The following PPFIA1 variants were observed in gnomAD, a reference collection of about 807,000 sequenced individuals.
PPFIA1 encodes the protein PPFI scaffold protein A1, also known as liprin-alpha-1.
In PPFIA1, 25 loss-of-function variants were observed where a neutral mutation model predicts 149.9. The observed-to-expected ratio is 0.17, with a 90% CI of 0.12 to 0.23. The LOEUF (loss-of-function observed/expected upper bound fraction) is 0.23. Among genes scored for constraint, PPFIA1 ranks in the 10% least tolerant of loss-of-function variants. The probability of loss-of-function intolerance (pLI) is 1.00; values close to 1 mark genes in which losing one functional copy is unlikely to be tolerated. For synonymous variants in PPFIA1, 549 were observed against 552.8 expected (o/e 0.99, Z 0.10); for missense variants, 1,362 against 1,506.5 (o/e 0.90, Z 1.59).
chr11:70,319,585 C>A (rs914551774), intron 2 of PPFIA1, among the ~76,000 whole-genome samples: 1 of 152,142 alleles, frequency 6.6e-6, no homozygotes, highest in African/African-American at 2.4e-5. Context: ...TCCAACACAC[C>A]CATTTTGAGC....
At chr11:70,327,007 G>C (rs1208565977) in intron 7 of PPFIA1, 189 bp downstream of exon 7, 1 of 578,780 alleles carries the variant, frequency 1.7e-6, no homozygotes, top group Non-Finnish European at 3.0e-6. Context: ...CATTTTTGTT[G>C]TGAAATCTCC....
chr11:70,305,554 A>G (rs2052793080), intron 2 of PPFIA1, among the ~76,000 whole-genome samples: 6 of 151,972 alleles, frequency 3.9e-5, no homozygotes, highest in Admixed American at 3.9e-4. Flanking sequence ...TAATTTTTGT[A>G]GAGATGGGTT....
chr11:70,317,306 T>G (rs2053694638), intron 2 of PPFIA1, among the ~76,000 whole-genome samples: 1 of 152,212 alleles, frequency 6.6e-6, no homozygotes, highest in Non-Finnish European at 1.5e-5. Context: ...AACATGCTTT[T>G]GGGATCTTAA....
At chr11:70,336,574 A>G (rs549657763) in intron 11 of PPFIA1, among the ~76,000 whole-genome samples, 57 of 152,232 alleles carry the variant, frequency 3.7e-4, no homozygotes, top group African/African-American at 1.3e-3. Flanking sequence ...ATCGTGTACT[A>G]GAAAGGGTTC....
chr11:70,281,309 G>C (rs1435846736), intron 2 of PPFIA1, among the ~76,000 whole-genome samples: 1 of 152,128 alleles, frequency 6.6e-6, no homozygotes, highest in East Asian at 1.9e-4. Context: ...TCAGGGCCTG[G>C]GTGACCAGAG....
rs770604547 is a variant in PPFIA1, at chr11:70,329,923, G to C, written c.931-250G>C. On this transcript the variant is annotated intron_variant, in intron 7 of 27. Coordinates refer to ENST00000253925, the MANE Select transcript of PPFIA1 (RefSeq NM_003626.5). ...ATCCTAGGTGATAGAGGGAGACTCTGACTCAAAAAACAAAATAAAATATTT... is the reference window on the plus strand; with the variant it reads ...ATCCTAGGTGATAGAGGGAGACTCTCACTCAAAAAACAAAATAAAATATTT... 366 of 399,828 alleles carry C rather than the reference G, an allele frequency of 9.2e-4. 2 individuals carry two copies. Among genetic ancestry groups the C allele is most frequent in the Non-Finnish European group, 9.5e-4 (214 of 226,440 alleles). 24.8% of individuals were successfully genotyped at this position (399,828 alleles called of 1,614,324 possible). A position where few individuals can be genotyped will look rare whatever the true frequency, so the allele number is the denominator to read the frequency against.
chr11:70,293,945 T>TTC (rs2051713306), intron 2 of PPFIA1, among the ~76,000 whole-genome samples: 1 of 148,392 alleles, frequency 6.7e-6, no homozygotes, highest in African/African-American at 2.5e-5. Flanking sequence ...TCTCTCTCTT[T>TTC]TTTTTTTTTT....
At chr11:70,336,771 G>C (rs1189520567) in intron 11 of PPFIA1, among the ~76,000 whole-genome samples, 1 of 152,208 alleles carries the variant, frequency 6.6e-6, no homozygotes, top group Non-Finnish European at 1.5e-5. Context: ...ATTCCCGTTT[G>C]ATAAAGCCTG....
rs2055835269 is a variant in PPFIA1 at position 70,348,219 on chromosome 11, G to T, written c.1962G>T (p.Glu654Asp). 1.2e-6 allele frequency: 2 copies of T among 1,614,084 alleles called. No individual in the cohort carries two copies. Among genetic ancestry groups the T allele is most frequent in the Non-Finnish European group, 1.7e-6 (2 of 1,180,044 alleles). ...TTCAGGAAGAAAAAGAAAATACAGA[G>T]CAGCGGGCAGAGGAGATTGAAAGTC... ...RLIQEEKENT[E>D]QRAEEIESRV... Residue 654 changes from glutamate (E) to aspartate (D), a missense_variant, in exon 16 of 28, where the codon GAG (glutamate) becomes GAT (aspartate). Physicochemically the swap from Glu to Asp is conservative, Grantham distance 45 (BLOSUM62 2). This residue lies in a region of PPFIA1 where 733 missense variants were observed against 744.1 expected (regional missense o/e 0.99). Coordinates refer to ENST00000253925, the MANE Select transcript of PPFIA1 (RefSeq NM_003626.5).
chr11:70,351,432 TCTGGTATAGG>T (rs2056050261), intron 16 of PPFIA1, among the ~76,000 whole-genome samples: 2 of 152,210 alleles, frequency 1.3e-5, no homozygotes, highest in African/African-American at 2.4e-5. Context: ...GCTTTCCCAG[TCTGGTATAGG>T]CTGAGTGTCC....
chr11:70,345,961 TC>T (rs1251971989), intron 15 of PPFIA1: 13 of 455,300 alleles, frequency 2.9e-5, no homozygotes, highest in Non-Finnish European at 4.9e-5. Context: ...ACTCCAGTGT[TC>T]CTTTCCCTGT....
intron 1 of PPFIA1, 87 bp from the exon 2 acceptor site, chr11:70,272,086 T>G: frequency 7.1e-7 from 1 of 1,416,962 alleles, no homozygotes; most frequent in Non-Finnish European, 9.7e-7. Context: ...TGCCCATCTT[T>G]TTAGCTACAG....
chr11:70,304,541 A>G (rs1219643325), intron 2 of PPFIA1, among the ~76,000 whole-genome samples: 1 of 152,178 alleles, frequency 6.6e-6, no homozygotes, highest in Non-Finnish European at 1.5e-5. Context: ...GCTGCAGCAA[A>G]TTTAATTGAA....
chr11:70,367,370 A>G (rs1398048671), intron 21 of PPFIA1: 2 of 367,908 alleles, frequency 5.4e-6, no homozygotes, highest in Admixed American at 6.6e-5. Flanking sequence ...AGGCGTGGTC[A>G]AAACCATTTA....
At chr11:70,290,227 GT>G (rs2051435401) in intron 2 of PPFIA1, among the ~76,000 whole-genome samples, 1 of 142,072 alleles carries the variant, frequency 7.0e-6, no homozygotes, top group South Asian at 2.3e-4. Flanking sequence ...AAAACCTTGT[GT>G]AAAAAAAAAA....
intron 2 of PPFIA1, among the ~76,000 whole-genome samples, chr11:70,277,409 T>C (rs545686338): frequency 1.3e-5 from 2 of 152,270 alleles, no homozygotes; most frequent in East Asian, 3.9e-4. Context: ...AGATTTATCC[T>C]CTTAGTTACC....
chr11:70,315,594 T>C (rs902832526), intron 2 of PPFIA1, among the ~76,000 whole-genome samples: 3 of 151,960 alleles, frequency 2.0e-5, no homozygotes, highest in Non-Finnish European at 2.9e-5. Context: ...CATGCCGGTT[T>C]CTCATGTCCT....
At position 70,355,574 on chromosome 11, in the gene PPFIA1, C is replaced by T. The variant is rs77438210; in HGVS notation, c.2316-65C>T. 4.4e-3 allele frequency: 6,455 copies of T among 1,452,776 alleles called. 221 individuals are homozygous for T. In the African/African-American group the frequency reaches 0.076, roughly 17 times the overall value. The allele number at this position is 1,452,776 out of a possible 1,614,324, so 90.0% of individuals were successfully genotyped here. A position where few individuals can be genotyped will look rare whatever the true frequency, so the allele number is the denominator to read the frequency against. The stretch of plus-strand genomic sequence containing the variant: ...CTGGAAGTGCTTGTAGGGAAGTTTG[C>T]GACTGTTAATATGTGAAGTATCCTA... On this transcript the variant is annotated intron_variant, in intron 17 of 27. Transcript: ENST00000253925.
intron 14 of PPFIA1, among the ~76,000 whole-genome samples, chr11:70,342,768 T>G (rs1449949836): frequency 6.6e-6 from 1 of 152,118 alleles, no homozygotes. Context: ...GTGTATTTTT[T>G]TATTGATCCA....
Sources: allele counts gnomAD v4.1 joint callset (sites outside exome capture counted in the v4.1 genomes callset), GRCh38; gene constraint gnomAD v4.1.1; regional missense constraint gnomAD v4.1.1; transcripts MANE v1.5; gene names NCBI Gene and HGNC (gene_info 2026-07-23, HGNC 2026-07-21).